The following SOX6 variants were observed in gnomAD, a reference collection of about 807,000 sequenced individuals.
SOX6 encodes transcription factor SOX-6.
In SOX6, 11 loss-of-function variants were observed where a neutral mutation model predicts 97.8. The ratio of observed to expected loss-of-function variants is 0.11; its 90% CI spans 0.07 to 0.19. The LOEUF is 0.19. Ranked by LOEUF, SOX6 falls within the 10% of genes least tolerant of loss-of-function variation. The pLI, the probability that SOX6 is intolerant of heterozygous loss-of-function variation, is 1.00. For synonymous variants in SOX6, 360 were observed against 371.4 expected, an observed-to-expected ratio of 0.97 and a Z score of 0.35; for missense variants, 810 against 1,039.5, an observed-to-expected ratio of 0.78 and a Z score of 3.04.
intron 4 of SOX6, among the ~76,000 whole-genome samples, chr11:16,188,880 C>T (rs560718527): frequency 3.9e-5 from 6 of 151,944 alleles, no homozygotes; most frequent in African/African-American, 9.6e-5. Flanking sequence ...CTGACCAATA[C>T]GGTGAATCCC....
chr11:16,299,989 C>T (rs563163954), intron 3 of SOX6, among the ~76,000 whole-genome samples: 3 of 152,198 alleles, frequency 2.0e-5, no homozygotes, highest in African/African-American at 7.2e-5. Flanking sequence ...TTAATTAGCA[C>T]GGCTGAGGAA....
intron 13 of SOX6, among the ~76,000 whole-genome samples, chr11:16,006,526 C>A (rs1413968141): frequency 5.3e-5 from 8 of 152,056 alleles, no homozygotes; most frequent in African/African-American, 1.9e-4. Context: ...GGTCTATCTG[C>A]TTAATGTCTG....
intron 3 of SOX6, among the ~76,000 whole-genome samples, chr11:16,645,228 G>A (rs1363846069): frequency 2.0e-5 from 3 of 152,014 alleles, no homozygotes; most frequent in Non-Finnish European, 4.4e-5. Context: ...ATTCAAGCTG[G>A]CAACATACTG....
intron 6 of SOX6, among the ~76,000 whole-genome samples, chr11:16,121,536 C>T (rs142308412): frequency 1.3e-5 from 2 of 152,060 alleles, no homozygotes; most frequent in East Asian, 3.9e-4. Context: ...TTTGTTCTCA[C>T]TTACATATTA....
chr11:16,042,930 T>G (rs1855713365), intron 12 of SOX6, among the ~76,000 whole-genome samples: 1 of 152,176 alleles, frequency 6.6e-6, no homozygotes, highest in Non-Finnish European at 1.5e-5. Flanking sequence ...GTCTACTGGC[T>G]CACATAACAC....
At chr11:16,488,965 A>G (rs903381339) in intron 4 of SOX6, among the ~76,000 whole-genome samples, 12 of 152,184 alleles carry the variant, frequency 7.9e-5, no homozygotes, top group Non-Finnish European at 1.6e-4. Flanking sequence ...AGTTGCTGAC[A>G]GAGCTTTCAT....
At chr11:16,560,322 G>T (rs146622029) in intron 4 of SOX6, among the ~76,000 whole-genome samples, 110 of 152,202 alleles carry the variant, frequency 7.2e-4, no homozygotes, top group African/African-American at 2.6e-3. Context: ...AGGGCTTCAC[G>T]TGTAATTGAC....
intron 4 of SOX6, among the ~76,000 whole-genome samples, chr11:16,602,587 G>A (rs1287131092): frequency 2.6e-5 from 4 of 152,110 alleles, no homozygotes; most frequent in Admixed American, 6.5e-5. Flanking sequence ...AAAACTGCAC[G>A]GAAGATACCT....
intron 4 of SOX6, among the ~76,000 whole-genome samples, chr11:16,501,339 C>T (rs571120630): frequency 6.6e-6 from 1 of 152,130 alleles, no homozygotes; most frequent in African/African-American, 2.4e-5. Context: ...AAATGTTAGA[C>T]CTAAAACCAT....
intron 3 of SOX6, among the ~76,000 whole-genome samples, chr11:16,662,404 G>T (rs1847772650): frequency 6.6e-6 from 1 of 152,132 alleles, no homozygotes; most frequent in African/African-American, 2.4e-5. Context: ...AAATAAGGTG[G>T]ATTTTTTCCT....
chr11:16,339,391 T>C (rs1856559761), intron 2 of SOX6, among the ~76,000 whole-genome samples: 3 of 151,990 alleles, frequency 2.0e-5, no homozygotes. Flanking sequence ...CATCTTTTAC[T>C]TTCTGAAATT....
chr11:16,639,570 T>C (rs1385608386), intron 3 of SOX6, among the ~76,000 whole-genome samples: 2 of 152,208 alleles, frequency 1.3e-5, no homozygotes, highest in Non-Finnish European at 2.9e-5. Context: ...TTCCAGTTGT[T>C]TGTATCCTCT....
chr11:16,640,113 G>A (rs1174907896), intron 3 of SOX6, among the ~76,000 whole-genome samples: 4 of 152,164 alleles, frequency 2.6e-5, no homozygotes, highest in Non-Finnish European at 5.9e-5. Context: ...AGAGTTTTTA[G>A]TATGAAGGGC....
intron 3 of SOX6, among the ~76,000 whole-genome samples, chr11:16,292,712 G>A (rs548119894): frequency 6.6e-6 from 1 of 152,162 alleles, no homozygotes; most frequent in African/African-American, 2.4e-5. Flanking sequence ...CAGCTGGAAA[G>A]TGCCACTGTG....
chr11:16,249,095 T>TG (rs1853429737), intron 3 of SOX6, among the ~76,000 whole-genome samples: 1 of 50,912 alleles, frequency 2.0e-5, no homozygotes, highest in African/African-American at 6.6e-5. Context: ...AGGCTCTGTC[T>TG]CAAAAAAAAA....
At chr11:16,226,751 CA>C (rs1852700862) in intron 4 of SOX6, among the ~76,000 whole-genome samples, 1 of 151,912 alleles carries the variant, frequency 6.6e-6, no homozygotes, top group African/African-American at 2.4e-5. Flanking sequence ...CCCTGTCTCT[CA>C]TTCAGGTAAA....
intron 3 of SOX6, among the ~76,000 whole-genome samples, chr11:16,677,363 T>C (rs1229428685): frequency 6.6e-6 from 1 of 152,214 alleles, no homozygotes; most frequent in Non-Finnish European, 1.5e-5. Context: ...TTCAAGGTTT[T>C]ATTTAATTAT....
At chr11:16,020,324 G>A (rs1350185577) in intron 12 of SOX6, among the ~76,000 whole-genome samples, 1 of 151,936 alleles carries the variant, frequency 6.6e-6, no homozygotes, top group Non-Finnish European at 1.5e-5. Flanking sequence ...CTATCTCACT[G>A]CTGCAGCCTC....
intron 1 of SOX6, among the ~76,000 whole-genome samples, chr11:16,430,772 C>T (rs1043869476): frequency 4.6e-5 from 7 of 152,180 alleles, no homozygotes; most frequent in Non-Finnish European, 1.0e-4. Flanking sequence ...GAGACACCTC[C>T]TAACTAGTCT....
Sources: allele counts gnomAD v4.1 joint callset (sites outside exome capture counted in the v4.1 genomes callset), GRCh38; gene constraint gnomAD v4.1.1; transcripts MANE v1.5; gene names NCBI Gene and HGNC (gene_info 2026-07-23, HGNC 2026-07-21).